Variants in SORCS1 observed in about 807,000 individuals in gnomAD.
SORCS1 encodes sortilin related VPS10 domain containing receptor 1, also known as VPS10 domain-containing receptor SorCS1.
In SORCS1, 60 loss-of-function variants were observed where a neutral mutation model predicts 146.1. That is an observed-to-expected ratio of 0.41 (90% CI 0.33 to 0.51). The LOEUF is 0.51. Among genes scored for constraint, SORCS1 ranks in the 20% least tolerant of loss-of-function variants. The probability of loss-of-function intolerance (pLI) is 0.21; values close to 1 mark genes in which losing one functional copy is unlikely to be tolerated. For synonymous variants in SORCS1, 637 were observed against 584.0 expected (o/e 1.09, Z -1.31); for missense variants, 1,352 against 1,487.6 (o/e 0.91, Z 1.50).
At chr10:106,861,379 G>T (rs1950009088) in intron 2 of SORCS1, among the ~76,000 whole-genome samples, 1 of 146,530 alleles carries the variant, frequency 6.8e-6, no homozygotes, top group South Asian at 2.2e-4. Context: ...CAGCCTGGGG[G>T]ACAGAGTGAG....
At chr10:107,133,961 C>T (rs685316) in intron 1 of SORCS1, among the ~76,000 whole-genome samples, 78,718 of 152,024 alleles carry the variant, frequency 0.52, 20,906 homozygotes, top group African/African-American at 0.64. Flanking sequence ...TGCAGAACTA[C>T]AGCTTCCAAC....
At position 106,873,578 on chromosome 10, in the gene SORCS1, C is replaced by T. The variant is rs367615234; in HGVS notation, c.627-43905G>A. ...AAACTCTTCCTAAACCATTTTGGCC[C>T]TATGACTTATTTATTACCCCTGCCA... is the stretch of plus-strand genomic sequence containing the variant. On this transcript the variant is annotated intron_variant, in intron 2 of 25. Coordinates refer to ENST00000263054, the MANE Select transcript of SORCS1 (RefSeq NM_052918.5). 1.9e-3 allele frequency among the ~76,000 whole-genome samples: 283 copies of T among 152,260 alleles called. 3 individuals carry two copies. The highest frequency in any genetic ancestry group is 3.8e-3 in the African/African-American group (159 of 41,550).
intron 2 of SORCS1, among the ~76,000 whole-genome samples, chr10:106,916,591 C>A (rs1589698584): frequency 6.8e-6 from 1 of 148,148 alleles, no homozygotes; most frequent in Non-Finnish European, 1.5e-5. Flanking sequence ...CACACACACA[C>A]ACACACACAC....
intron 2 of SORCS1, among the ~76,000 whole-genome samples, chr10:106,834,687 C>CA (rs985885781): frequency 4.0e-5 from 6 of 151,860 alleles, no homozygotes; most frequent in African/African-American, 1.4e-4. Context: ...AAACAAAAAA[C>CA]AAAAAAAGGA....
At chr10:107,141,458 G>T (rs1712175838) in intron 1 of SORCS1, among the ~76,000 whole-genome samples, 1 of 151,422 alleles carries the variant, frequency 6.6e-6, no homozygotes, top group Admixed American at 6.6e-5. Flanking sequence ...GGGGATTATT[G>T]GACTATTTTT....
At chr10:106,826,962 C>G (rs1465072241) in intron 3 of SORCS1, among the ~76,000 whole-genome samples, 1 of 152,176 alleles carries the variant, frequency 6.6e-6, no homozygotes, top group Non-Finnish European at 1.5e-5. Context: ...TTTAAACGTC[C>G]TTCAGATAAC....
chr10:107,114,368 A>G (rs2134479763), intron 1 of SORCS1, among the ~76,000 whole-genome samples: 1 of 152,322 alleles, frequency 6.6e-6, no homozygotes, highest in South Asian at 2.1e-4. Context: ...GATAGATGCA[A>G]AAATCCTCAA....
At chr10:106,882,514 T>C (rs1950844673) in intron 2 of SORCS1, among the ~76,000 whole-genome samples, 1 of 152,166 alleles carries the variant, frequency 6.6e-6, no homozygotes, top group African/African-American at 2.4e-5. Context: ...TGTAAACAGA[T>C]AGGTGCAGCT....
At chr10:106,812,310 T>C (rs192140536) in intron 3 of SORCS1, among the ~76,000 whole-genome samples, 7 of 152,294 alleles carry the variant, frequency 4.6e-5, no homozygotes, top group Admixed American at 4.6e-4. Flanking sequence ...TGGAGTTTTG[T>C]TTTGTTTCTG....
chr10:106,704,295 A>G (rs1271292021), intron 8 of SORCS1, among the ~76,000 whole-genome samples: 1 of 152,218 alleles, frequency 6.6e-6, no homozygotes, highest in African/African-American at 2.4e-5. Context: ...CTAAGAAAGT[A>G]TAATATAAAA....
At chr10:106,955,028 C>T (rs549939039) in intron 2 of SORCS1, among the ~76,000 whole-genome samples, 2 of 152,258 alleles carry the variant, frequency 1.3e-5, no homozygotes, top group Non-Finnish European at 2.9e-5. Flanking sequence ...AGCAGTGGCG[C>T]TGGGCCAGCC....
chr10:106,842,317 G>A (rs1223175386), intron 2 of SORCS1, among the ~76,000 whole-genome samples: 2 of 151,472 alleles, frequency 1.3e-5, no homozygotes, highest in Admixed American at 6.6e-5. Context: ...CACTGCAACC[G>A]CCATTTCCCA....
intron 2 of SORCS1, among the ~76,000 whole-genome samples, chr10:106,836,492 A>T (rs2137081861): frequency 6.6e-6 from 1 of 151,698 alleles, no homozygotes; most frequent in Admixed American, 6.6e-5. Context: ...AAAAAAAAAA[A>T]AAGATCTTGG....
chr10:106,774,770 G>A (rs1349147884), intron 4 of SORCS1, among the ~76,000 whole-genome samples: 1 of 151,930 alleles, frequency 6.6e-6, no homozygotes, highest in Non-Finnish European at 1.5e-5. Flanking sequence ...TTAAACTATT[G>A]GTCAACTCAT....
rs1446861939 is a variant in SORCS1, at chr10:106,731,301, A to G, written c.960-1187T>C. 2.4e-4 allele frequency among the ~76,000 whole-genome samples: 36 copies of G among 149,780 alleles called. 1 individual carries two copies. Among genetic ancestry groups the G allele is most frequent in the Admixed American group, 8.7e-4 (13 of 15,006 alleles). On this transcript the variant is annotated intron_variant, in intron 5 of 25. Transcript: ENST00000263054. ...GAGTGAGACTCCGTCTCAAAAAAAA[A>G]AAAAAAAAAAAAAAAAAAAAGTACT... is the stretch of plus-strand genomic sequence containing the variant.
chr10:107,046,871 G>C (rs1449530724), intron 1 of SORCS1, among the ~76,000 whole-genome samples: 1 of 152,182 alleles, frequency 6.6e-6, no homozygotes, highest in Admixed American at 6.6e-5. Flanking sequence ...AGCAAAGAAG[G>C]CTTGGTATTT....
intron 1 of SORCS1, among the ~76,000 whole-genome samples, chr10:107,063,696 T>C (rs1441079432): frequency 6.6e-6 from 1 of 152,220 alleles, no homozygotes; most frequent in East Asian, 1.9e-4. Context: ...GTGTTCTTCC[T>C]GACAGGGACT....
intron 18 of SORCS1, among the ~76,000 whole-genome samples, chr10:106,635,705 C>T (rs1434360667): frequency 6.6e-6 from 1 of 152,092 alleles, no homozygotes; most frequent in Admixed American, 6.6e-5. Flanking sequence ...GGGTTAAGTA[C>T]ATTGGAAATA....
intron 3 of SORCS1, among the ~76,000 whole-genome samples, chr10:106,807,012 C>T (rs1439024515): frequency 6.6e-6 from 1 of 152,170 alleles, no homozygotes; most frequent in Non-Finnish European, 1.5e-5. Flanking sequence ...CACATATGTT[C>T]ACCATCCTAC....
Sources: gnomAD v4.1 joint callset for allele counts (sites outside exome capture counted in the v4.1 genomes callset) on GRCh38, gnomAD v4.1.1 for gene constraint, MANE v1.5 for transcripts, NCBI Gene and HGNC (gene_info 2026-07-23, HGNC 2026-07-21) for gene names.